Variants in ATG4B observed in about 807,000 individuals in gnomAD.
The protein encoded by ATG4B is cysteine protease ATG4B.
Under a neutral mutation model 56.6 loss-of-function variants are expected in ATG4B, and 29 were observed. That is an observed-to-expected ratio of 0.51 (90% CI 0.38 to 0.70). ATG4B has a LOEUF of 0.70. Ranked by LOEUF, ATG4B falls within the 30% of genes least tolerant of loss-of-function variation. ATG4B has a pLI of 0.00. For missense variants in ATG4B, 461 were observed against 515.5 expected (o/e 0.89, Z 1.02); for synonymous variants, 224 against 206.1 (o/e 1.09, Z -0.74).
intron 1 of ATG4B, among the ~76,000 whole-genome samples, chr2:241,638,940 T>A (rs1163046662): frequency 6.6e-6 from 1 of 152,240 alleles, no homozygotes; most frequent in Non-Finnish European, 1.5e-5. Flanking sequence ...TGCAGGATTT[T>A]TCTCAGCCAC....
intron 1 of ATG4B, among the ~76,000 whole-genome samples, chr2:241,650,557 C>T (rs537768876): frequency 2.0e-5 from 3 of 152,178 alleles, no homozygotes; most frequent in African/African-American, 4.8e-5. Flanking sequence ...TCTTGGCTTC[C>T]CTTGCGTACA....
chr2:241,649,940 C>T (rs1490547510), intron 1 of ATG4B, among the ~76,000 whole-genome samples: 2 of 152,034 alleles, frequency 1.3e-5, no homozygotes, highest in Non-Finnish European at 2.9e-5. Flanking sequence ...CCCGCCACCA[C>T]GCCTGGCTAA....
At chr2:241,667,688 G>A (rs1490350828) in intron 8 of ATG4B, 1 of 155,060 alleles carries the variant, frequency 6.4e-6, no homozygotes, top group Admixed American at 6.5e-5. Context: ...AGTCACATTT[G>A]TATGGAACTG....
chr2:241,654,861 C>G, intron 5 of ATG4B: 1 of 588,452 alleles, frequency 1.7e-6, no homozygotes, highest in Non-Finnish European at 3.0e-6. Context: ...GACCCTGGGC[C>G]TTGCCCTTCC....
chr2:241,642,167 GTT>G (rs112568817), intron 1 of ATG4B, among the ~76,000 whole-genome samples: 2 of 146,358 alleles, frequency 1.4e-5, no homozygotes, highest in Non-Finnish European at 1.5e-5. Flanking sequence ...CTGGGGAGTG[GTT>G]TTTTTTTTTT....
intron 1 of ATG4B, among the ~76,000 whole-genome samples, chr2:241,646,704 C>G (rs2068069747): frequency 6.6e-6 from 1 of 151,430 alleles, no homozygotes; most frequent in Non-Finnish European, 1.5e-5. Context: ...CAACTGTAGG[C>G]TAATGTAAGT....
At chr2:241,642,448 A>T (rs1249126109) in intron 1 of ATG4B, among the ~76,000 whole-genome samples, 2 of 152,220 alleles carry the variant, frequency 1.3e-5, no homozygotes, top group Non-Finnish European at 2.9e-5. Flanking sequence ...GAGCTTTCTA[A>T]AGGAAAAGAA....
At chr2:241,644,395 C>T (rs1401524416) in intron 1 of ATG4B, among the ~76,000 whole-genome samples, 1 of 152,190 alleles carries the variant, frequency 6.6e-6, no homozygotes, top group Admixed American at 6.5e-5. Context: ...GGTCGATCTG[C>T]AGATGTTAGT....
chr2:241,655,756 G>A (rs1396269907), intron 6 of ATG4B, among the ~76,000 whole-genome samples: 1 of 152,094 alleles, frequency 6.6e-6, no homozygotes. Flanking sequence ...CTGTAGCCTC[G>A]CTCACCTTCC....
At chr2:241,654,473 A>T in intron 4 of ATG4B, 73 bp from the exon 5 acceptor site, 1 of 889,234 alleles carries the variant, frequency 1.1e-6, no homozygotes, top group Non-Finnish European at 1.8e-6. Context: ...TGCCATCTGT[A>T]TCTTTAGTGT....
At chr2:241,648,704 A>C (rs1490684434) in intron 1 of ATG4B, among the ~76,000 whole-genome samples, 1 of 152,136 alleles carries the variant, frequency 6.6e-6, no homozygotes, top group African/African-American at 2.4e-5. Context: ...CATCTTGCTC[A>C]GGAAGCCACA....
chr2:241,664,814 AT>A (rs2068709788), intron 7 of ATG4B, among the ~76,000 whole-genome samples: 1 of 152,034 alleles, frequency 6.6e-6, no homozygotes, highest in African/African-American at 2.4e-5. Flanking sequence ...AAATACAAAA[AT>A]TAGCTGGGCG....
At chr2:241,654,914 T>C (rs1202502815) in intron 5 of ATG4B, 2 of 574,220 alleles carry the variant, frequency 3.5e-6, no homozygotes, top group African/African-American at 3.8e-5. Context: ...CGGCACAGTC[T>C]GGGGAAATTG....
At chr2:241,660,464 G>A (rs2068557277) in intron 7 of ATG4B, among the ~76,000 whole-genome samples, 1 of 152,218 alleles carries the variant, frequency 6.6e-6, no homozygotes, top group African/African-American at 2.4e-5. Flanking sequence ...GCCACAGCAG[G>A]CTCTCCTTCC....
chr2:241,652,711 T>C lies in ATG4B; in HGVS notation c.185-801T>C, dbSNP rs192925593. On this transcript the variant is annotated intron_variant, in intron 3 of 12. Transcript: ENST00000404914. ...AGAGCGATCAGCAGTGGAGCGAGGG[T>C]GACCATGGGCACTGCTGATTGGGTT... 6.4e-4 allele frequency among the ~76,000 whole-genome samples: 97 copies of C among 152,126 alleles called. 1 individual carries two copies. The highest frequency in any genetic ancestry group is 2.0e-3 in the African/African-American group (82 of 41,498).
intron 1 of ATG4B, among the ~76,000 whole-genome samples, chr2:241,649,618 G>A (rs2068168449): frequency 1.3e-5 from 2 of 152,204 alleles, no homozygotes; most frequent in Non-Finnish European, 2.9e-5. Context: ...ATACGCAATG[G>A]GCATCTCGCC....
chr2:241,661,790 A>G (rs1270998411), intron 7 of ATG4B, among the ~76,000 whole-genome samples: 2 of 151,230 alleles, frequency 1.3e-5, no homozygotes, highest in South Asian at 2.1e-4. Flanking sequence ...CCCCCAGTCA[A>G]AGGCCAGCCA....
At chr2:241,646,982 C>A (rs1000813073) in intron 1 of ATG4B, among the ~76,000 whole-genome samples, 1 of 152,040 alleles carries the variant, frequency 6.6e-6, no homozygotes, top group Non-Finnish European at 1.5e-5. Context: ...TGGGATTTCA[C>A]CATGTTGACC....
intron 12 of ATG4B, 182 bp from the exon 13 acceptor site, chr2:241,672,009 T>A: frequency 7.0e-7 from 1 of 1,425,030 alleles, no homozygotes. Context: ...TCCTCTTCTC[T>A]GCTCCCTCCC....
Sources: allele counts gnomAD v4.1 joint callset (sites outside exome capture counted in the v4.1 genomes callset), GRCh38; gene constraint gnomAD v4.1.1; transcripts MANE v1.5; gene names NCBI Gene and HGNC (gene_info 2026-07-23, HGNC 2026-07-21).